CRADD: variants seen among roughly 807,000 people sequenced by gnomAD.
CRADD encodes death domain-containing protein CRADD.
A neutral mutation model predicts 15.5 loss-of-function variants in CRADD; 9 were observed. The ratio of observed to expected loss-of-function variants is 0.58; its 90% CI spans 0.35 to 1.01. CRADD has a LOEUF of 1.01. Ranked by LOEUF, CRADD falls within the 50% of genes least tolerant of loss-of-function variation. The pLI, the probability that CRADD is intolerant of heterozygous loss-of-function variation, is 0.02. For missense variants in CRADD, 227 were observed against 250.3 expected (o/e 0.91, Z 0.63); for synonymous variants, 118 against 107.6 (o/e 1.10, Z -0.60).
chr12:93,868,123 G>A (rs1397231495), intron 2 of CRADD, among the ~76,000 whole-genome samples: 1 of 152,182 alleles, frequency 6.6e-6, no homozygotes, highest in Admixed American at 6.5e-5. Context: ...TTATAAATGT[G>A]GATTTAGTTT....
At chr12:93,705,827 AT>A (rs1251998865) in intron 2 of CRADD, among the ~76,000 whole-genome samples, 1 of 152,214 alleles carries the variant, frequency 6.6e-6, no homozygotes, top group Admixed American at 6.5e-5. Context: ...ATGTCACTAA[AT>A]TTGCTTTCGC....
rs1192793752 is a variant in CRADD at position 93,850,598 on chromosome 12, C to CAT, written c.*336_*337dup. ...ATATATATCCATATATATATATATC[C>CAT]ATATATATATCTCATGTCATCACAT... On this transcript the variant is annotated 3_prime_UTR_variant, in exon 3 of 3. Transcript: ENST00000332896. The surrounding 1 kb of genome is among the most constrained non-coding windows in gnomAD (Gnocchi z 4.0). The CAT allele has an allele frequency of 7.1e-6, 6 of 842,736 alleles. No individual in the cohort carries two copies. The highest frequency in any genetic ancestry group is 5.5e-5 in the African/African-American group (3 of 54,246). 52.2% of individuals were successfully genotyped at this position (842,736 alleles called of 1,614,324 possible). A position where few individuals can be genotyped will look rare whatever the true frequency, so the allele number is the denominator to read the frequency against.
intron 2 of CRADD, among the ~76,000 whole-genome samples, chr12:93,781,508 G>A (rs773712247): frequency 6.6e-6 from 1 of 152,182 alleles, no homozygotes; most frequent in African/African-American, 2.4e-5. Flanking sequence ...ATAAAATCAG[G>A]TAAAATTGGT....
At chr12:93,726,094 G>GTTTTTTTTTTTTTT (rs1165429350) in intron 2 of CRADD, among the ~76,000 whole-genome samples, 2 of 96,010 alleles carry the variant, frequency 2.1e-5, no homozygotes, top group African/African-American at 3.7e-5. Flanking sequence ...AAATAGTTTA[G>GTTTTTTTTTTTTTT]TTTTTTTTTT....
intron 2 of CRADD, among the ~76,000 whole-genome samples, chr12:93,769,862 T>C (rs1027803175): frequency 6.6e-6 from 1 of 152,236 alleles, no homozygotes; most frequent in African/African-American, 2.4e-5. Context: ...CATTTTCTCA[T>C]TTATTTGTAC....
chr12:93,813,138 G>A (rs1957648350), intron 2 of CRADD, among the ~76,000 whole-genome samples: 1 of 152,206 alleles, frequency 6.6e-6, no homozygotes, highest in Admixed American at 6.5e-5. Context: ...AGAAGGGATT[G>A]TATAATTAAA....
At chr12:93,789,026 T>C (rs1175117818) in intron 2 of CRADD, among the ~76,000 whole-genome samples, 1 of 152,178 alleles carries the variant, frequency 6.6e-6, no homozygotes, top group African/African-American at 2.4e-5. Context: ...GTATGTCTTA[T>C]CCTTGGTGGT....
intron 2 of CRADD, chr12:93,846,585 C>CAT: frequency 7.2e-6 from 1 of 139,642 alleles, no homozygotes; most frequent in Non-Finnish European, 1.6e-5. Context: ...AACCAGAACA[C>CAT]ACACACACAC....
intron 2 of CRADD, among the ~76,000 whole-genome samples, chr12:93,739,304 A>G (rs1493851): frequency 0.038 from 5,738 of 150,868 alleles, 169 homozygotes; most frequent in South Asian, 0.067. Context: ...CAATACAGAT[A>G]TGAGGTTGGT....
At position 93,811,289 on chromosome 12, in the gene CRADD, C is replaced by T. The variant is rs906191199; in HGVS notation, c.299-38681C>T. Among the ~76,000 whole-genome samples the T allele has an allele frequency of 1.6e-4, 24 of 152,192 alleles. 1 individual carries two copies. The highest frequency in any genetic ancestry group is 1.4e-3 in the Admixed American group (21 of 15,284). On this transcript the variant is annotated intron_variant, in intron 2 of 2. Coordinates refer to ENST00000332896, the MANE Select transcript of CRADD (RefSeq NM_003805.5). Reference sequence around the variant, plus strand: ...GATTCACAGTGCCTTACAGCCCCTCCCCAGAACTGGGGCAGAGGAGGAAGA... The same window carrying T: ...GATTCACAGTGCCTTACAGCCCCTCTCCAGAACTGGGGCAGAGGAGGAAGA...
chr12:93,850,707 A>G lies in CRADD; in HGVS notation c.*436A>G. On this transcript the variant is annotated 3_prime_UTR_variant, in exon 3 of 3. Coordinates refer to ENST00000332896, the MANE Select transcript of CRADD (RefSeq NM_003805.5). The surrounding 1 kb of genome is among the most constrained non-coding windows in gnomAD (Gnocchi z 4.0). ...GTGGACTTTACTATTCATAATGATA[A>G]AATAATAAAATGCGAATTACTATAT... The G allele has an allele frequency of 1.0e-5, 10 of 984,804 alleles. No individual in the cohort carries two copies. The highest frequency in any genetic ancestry group is 1.2e-5 in the Non-Finnish European group (10 of 829,452). 61.0% of individuals were successfully genotyped at this position (984,804 alleles called of 1,614,324 possible).
chr12:93,810,509 C>T (rs1957611064), intron 2 of CRADD, among the ~76,000 whole-genome samples: 1 of 118,902 alleles, frequency 8.4e-6, no homozygotes, highest in Non-Finnish European at 1.6e-5. Flanking sequence ...CAAGATTGTA[C>T]CATTGCACTC....
At chr12:93,890,384 G>T (rs2137079172) in intron 2 of CRADD, among the ~76,000 whole-genome samples, 2 of 152,276 alleles carry the variant, frequency 1.3e-5, no homozygotes, top group South Asian at 4.2e-4. Flanking sequence ...CTGGAAATCT[G>T]GATTTTAATA....
intron 2 of CRADD, among the ~76,000 whole-genome samples, chr12:93,741,508 A>G (rs1487951404): frequency 6.6e-6 from 1 of 152,254 alleles, no homozygotes; most frequent in Non-Finnish European, 1.5e-5. Flanking sequence ...TAAAATCCTG[A>G]TACCTCATAG....
intron 2 of CRADD, among the ~76,000 whole-genome samples, chr12:93,855,944 A>T (rs1429127814): frequency 1.3e-5 from 2 of 152,112 alleles, no homozygotes; most frequent in Non-Finnish European, 2.9e-5. Flanking sequence ...CAGCCTCCCG[A>T]CTACAGGTGG....
rs4332566 is a variant in CRADD at position 93,678,925 on chromosome 12, C to A, written c.151C>A (p.Leu51Ile). ...AGAAATCAATGCTCAAACCACAGGC[C>A]TCCGGAAAACAATGCTCCTGCTGGA... Reference protein sequence around the residue: ...IQEINAQTTGLRKTMLLLDIL... With the variant: ...IQEINAQTTGIRKTMLLLDIL... Residue 51 changes from leucine to isoleucine, a missense_variant, in exon 2 of 3, where the codon CTC becomes ATC. Physicochemically the swap from Leu to Ile is conservative, Grantham distance 5 (BLOSUM62 2). Transcript: ENST00000332896. 2,250 of 1,614,164 alleles carry A rather than the reference C, an allele frequency of 1.4e-3. 9 individuals are homozygous for A. Among genetic ancestry groups the A allele is most frequent in the South Asian group, 3.4e-3 (310 of 91,086 alleles).
rs139780875 is a variant in CRADD at position 93,784,994 on chromosome 12, ATCAC to A, written c.299-64974_299-64971del. On this transcript the variant is annotated intron_variant, in intron 2 of 2. Coordinates refer to ENST00000332896, the MANE Select transcript of CRADD (RefSeq NM_003805.5). The stretch of plus-strand genomic sequence containing the variant: ...TCAGGCACAACTCGTTATTAATTTG[ATCAC>A]TTTCCTCAAAAGAATGATATTTTGA... Among the ~76,000 whole-genome samples the A allele has an allele frequency of 3.2e-3, 489 of 152,298 alleles. 4 individuals are homozygous for A. The highest frequency in any genetic ancestry group is 0.01 in the African/African-American group (424 of 41,570).
intron 2 of CRADD, among the ~76,000 whole-genome samples, chr12:93,857,136 GT>G (rs1406161496): frequency 7.2e-6 from 1 of 139,666 alleles, no homozygotes; most frequent in Admixed American, 7.0e-5. Context: ...CACTTAAAAA[GT>G]AAAAAAAAAA....
At chr12:93,803,553 T>C (rs1957499272) in intron 2 of CRADD, among the ~76,000 whole-genome samples, 1 of 152,168 alleles carries the variant, frequency 6.6e-6, no homozygotes, top group African/African-American at 2.4e-5. Context: ...TAAAAAAAAC[T>C]GTGAGTGCCC....
Sources: allele counts gnomAD v4.1 joint callset (sites outside exome capture counted in the v4.1 genomes callset), GRCh38; gene constraint gnomAD v4.1.1; non-coding constraint Gnocchi (gnomAD v3.1); transcripts MANE v1.5; gene names NCBI Gene and HGNC (gene_info 2026-07-23, HGNC 2026-07-21).